PIBF1: variants seen among roughly 807,000 people sequenced by gnomAD.
The protein encoded by PIBF1 is progesterone-induced-blocking factor 1.
Under a neutral mutation model 112.5 loss-of-function variants are expected in PIBF1, and 90 were observed. That is an observed-to-expected ratio of 0.80 (90% CI 0.67 to 0.95). The LOEUF (loss-of-function observed/expected upper bound fraction) is 0.95, where lower values mean the gene tolerates loss of function less well. PIBF1 is among the 40% of genes least tolerant of loss of function. The probability of loss-of-function intolerance (pLI) is 0.00; values close to 1 mark genes in which losing one functional copy is unlikely to be tolerated. For synonymous variants in PIBF1, 301 were observed against 288.6 expected, an observed-to-expected ratio of 1.04 and a Z score of -0.44; for missense variants, 915 against 852.3, an observed-to-expected ratio of 1.07 and a Z score of -0.92.
intron 4 of PIBF1, among the ~76,000 whole-genome samples, chr13:72,796,546 T>G (rs554714911): frequency 5.3e-4 from 81 of 152,236 alleles, no homozygotes; most frequent in African/African-American, 1.9e-3. Flanking sequence ...AAATGTTGTC[T>G]ATTGTTTTTG....
rs554769637 is a variant in PIBF1 at position 72,888,027 on chromosome 13, CT to C, written c.1323-5753del. On this transcript the variant is annotated intron_variant, in intron 10 of 17. Coordinates refer to ENST00000326291, the MANE Select transcript of PIBF1 (RefSeq NM_006346.4). Reference sequence around the variant, plus strand: ...TTTTACAGCACAGTTCTTGGAATAACTTTTCATTTTAACAGTCTTCTTCCTT... The same window carrying C: ...TTTTACAGCACAGTTCTTGGAATAACTTTCATTTTAACAGTCTTCTTCCTT... Among the ~76,000 whole-genome samples, 144 of 152,186 alleles carry C rather than the reference CT, an allele frequency of 9.5e-4. 1 individual carries two copies. Among genetic ancestry groups the C allele is most frequent in the African/African-American group, 3.2e-3 (132 of 41,552 alleles).
At chr13:72,882,459 T>C (rs1317887674) in intron 10 of PIBF1, among the ~76,000 whole-genome samples, 1 of 151,968 alleles carries the variant, frequency 6.6e-6, no homozygotes, top group Non-Finnish European at 1.5e-5. Flanking sequence ...GTAGAAAACC[T>C]CCTGCATAGC....
intron 5 of PIBF1, among the ~76,000 whole-genome samples, chr13:72,803,475 G>T (rs2035583876): frequency 2.6e-5 from 4 of 152,062 alleles, no homozygotes; most frequent in Admixed American, 2.6e-4. Context: ...ATGTATATTT[G>T]GGGTATTGCC....
At chr13:72,813,923 C>G (rs1251261826) in intron 5 of PIBF1, among the ~76,000 whole-genome samples, 1 of 152,116 alleles carries the variant, frequency 6.6e-6, no homozygotes, top group Non-Finnish European at 1.5e-5. Flanking sequence ...GAACCCTGAG[C>G]AAGAGCAGAA....
chr13:72,854,327 A>G (rs2038314829), intron 10 of PIBF1, among the ~76,000 whole-genome samples, 172 bp downstream of exon 10: 1 of 152,178 alleles, frequency 6.6e-6, no homozygotes, highest in South Asian at 2.1e-4. Flanking sequence ...ATTTCATTTC[A>G]ATAATTTTCA....
At position 72,964,805 on chromosome 13, in the gene PIBF1, G is replaced by A. The variant is rs749033377; in HGVS notation, c.1834-469G>A. The stretch of plus-strand genomic sequence containing the variant: ...CAGCCAGGCGAGGTGGCTCACACCC[G>A]TAGTCCCCGCACTTTGGGAGGCTGA... On this transcript the variant is annotated intron_variant, in intron 14 of 17. Coordinates refer to ENST00000326291, the MANE Select transcript of PIBF1 (RefSeq NM_006346.4). Among the ~76,000 whole-genome samples the A allele has an allele frequency of 5.9e-5, 9 of 152,232 alleles. No homozygotes were observed. The East Asian group carries it at 9.7e-4, about 16-fold the overall frequency.
Position 72,821,999 on chromosome 13 carries a change from G to T in PIBF1, c.806+17G>T. ...AGTCAAGAGGTAAGTAGTTAAAATGGCTGCAGTAGTAGTTCTCTATTTTTA... is the reference window on the plus strand; with the variant it reads ...AGTCAAGAGGTAAGTAGTTAAAATGTCTGCAGTAGTAGTTCTCTATTTTTA... On this transcript the variant is annotated intron_variant, in intron 6 of 17. Transcript: ENST00000326291. The T allele has an allele frequency of 6.3e-7, 1 of 1,597,156 alleles. No homozygotes were observed. Among genetic ancestry groups the T allele is most frequent in the Non-Finnish European group, 8.5e-7 (1 of 1,172,270 alleles).
chr13:72,909,832 G>A (rs925571318), intron 12 of PIBF1, among the ~76,000 whole-genome samples: 2 of 151,954 alleles, frequency 1.3e-5, no homozygotes, highest in Admixed American at 6.6e-5. Flanking sequence ...TTCATTTGAG[G>A]GTACTGTGTT....
At chr13:72,904,956 T>C (rs2040640623) in intron 11 of PIBF1, among the ~76,000 whole-genome samples, 1 of 152,128 alleles carries the variant, frequency 6.6e-6, no homozygotes, top group Non-Finnish European at 1.5e-5. Flanking sequence ...AATGTTTTAT[T>C]TCTACTTTTT....
chr13:72,860,654 CT>C (rs2038652782), intron 10 of PIBF1, among the ~76,000 whole-genome samples: 1 of 152,018 alleles, frequency 6.6e-6, no homozygotes, highest in Non-Finnish European at 1.5e-5. Context: ...TTTGTCTCAT[CT>C]TTTTCATTTA....
At chr13:72,937,457 CTTG>C (rs1289567859) in intron 14 of PIBF1, among the ~76,000 whole-genome samples, 1 of 152,114 alleles carries the variant, frequency 6.6e-6, no homozygotes, top group Non-Finnish European at 1.5e-5. Flanking sequence ...CCTTTGTGTT[CTTG>C]TTGTCGTACA....
chr13:72,997,585 A>C lies in PIBF1; in HGVS notation c.2050-1237A>C, dbSNP rs1023009993. Among the ~76,000 whole-genome samples, 39 of 152,326 alleles carry C rather than the reference A, an allele frequency of 2.6e-4. 1 individual carries two copies. Among genetic ancestry groups the C allele is most frequent in the African/African-American group, 8.9e-4 (37 of 41,588 alleles). On this transcript the variant is annotated intron_variant, in intron 16 of 17. Coordinates refer to ENST00000326291, the MANE Select transcript of PIBF1 (RefSeq NM_006346.4). ...AACACTGCTTTAAAATACTCACTCA[A>C]GTTAGATGGTTCTAAATAGAACTAA...
intron 14 of PIBF1, among the ~76,000 whole-genome samples, chr13:72,964,596 T>G (rs1189603140): frequency 6.6e-6 from 1 of 152,176 alleles, no homozygotes; most frequent in Non-Finnish European, 1.5e-5. Context: ...AATTATTGAA[T>G]TATGGTGTGA....
chr13:72,967,868 T>C (rs1444886230), intron 15 of PIBF1, among the ~76,000 whole-genome samples: 2 of 152,092 alleles, frequency 1.3e-5, no homozygotes, highest in Non-Finnish European at 2.9e-5. Flanking sequence ...TGTTGTCCAA[T>C]AGAACTTTCT....
At chr13:73,012,473 C>A (rs2044232014) in intron 17 of PIBF1, among the ~76,000 whole-genome samples, 1 of 151,970 alleles carries the variant, frequency 6.6e-6, no homozygotes, top group Non-Finnish European at 1.5e-5. Context: ...TGCCTATAAT[C>A]CCAGCACTTT....
chr13:72,881,526 G>T (rs543001355), intron 10 of PIBF1, among the ~76,000 whole-genome samples: 9 of 152,010 alleles, frequency 5.9e-5, no homozygotes, highest in Non-Finnish European at 1.2e-4. Flanking sequence ...GACCAGCCTG[G>T]CCAACATGGT....
At chr13:72,908,463 A>C (rs1426169537) in intron 11 of PIBF1, 68 bp from the exon 12 acceptor site, 1 of 975,776 alleles carries the variant, frequency 1.0e-6, no homozygotes, top group Admixed American at 2.9e-5. Context: ...ATGTCTTTGC[A>C]TCATGTTTTT....
At chr13:72,858,605 T>G (rs867197095) in intron 10 of PIBF1, among the ~76,000 whole-genome samples, 3 of 152,264 alleles carry the variant, frequency 2.0e-5, no homozygotes, top group Non-Finnish European at 4.4e-5. Flanking sequence ...AGAAGGAAAT[T>G]AGGTGTTGCA....
At chr13:72,963,065 T>C (rs1254126841) in intron 14 of PIBF1, among the ~76,000 whole-genome samples, 3 of 152,110 alleles carry the variant, frequency 2.0e-5, no homozygotes, top group Admixed American at 2.0e-4. Flanking sequence ...ATGGGGCTGG[T>C]AAAACTGAGT....
Sources: gnomAD v4.1 joint callset for allele counts (sites outside exome capture counted in the v4.1 genomes callset) on GRCh38, gnomAD v4.1.1 for gene constraint, MANE v1.5 for transcripts, NCBI Gene and HGNC (gene_info 2026-07-23, HGNC 2026-07-21) for gene names.